The following BRI3BP variants were observed in gnomAD, a reference collection of about 807,000 sequenced individuals.
BRI3BP encodes BRI3-binding protein.
A neutral mutation model predicts 15.8 loss-of-function variants in BRI3BP; 7 were observed. The observed-to-expected ratio is 0.44, with a 90% CI of 0.25 to 0.83. BRI3BP has a LOEUF of 0.83. BRI3BP is among the 40% of genes least tolerant of loss of function. The pLI is 0.20. For synonymous variants in BRI3BP, 192 were observed against 163.5 expected (o/e 1.17, Z -1.33); for missense variants, 320 against 339.3 (o/e 0.94, Z 0.45).
At chr12:125,007,762 A>G (rs748955228) in intron 1 of BRI3BP, among the ~76,000 whole-genome samples, 1 of 150,568 alleles carries the variant, frequency 6.6e-6, no homozygotes, top group South Asian at 2.1e-4. Context: ...CTATTTATTT[A>G]CTCATTATTA....
intron 2 of BRI3BP, among the ~76,000 whole-genome samples, chr12:125,021,958 T>C (rs1490023058): frequency 1.3e-5 from 2 of 151,758 alleles, no homozygotes; most frequent in Non-Finnish European, 2.9e-5. Flanking sequence ...TGCATGCCTA[T>C]AGTCCTAGCT....
At chr12:125,032,572 A>G (rs1044345845), downstream of BRI3BP, among the ~76,000 whole-genome samples, 26 of 152,242 alleles carry the variant, frequency 1.7e-4, no homozygotes, top group Non-Finnish European at 3.5e-4. Flanking sequence ...GTTCAAGACC[A>G]GCCTGGGCAA....
At chr12:125,034,797 C>G (rs1955431511), downstream of BRI3BP, among the ~76,000 whole-genome samples, 1 of 152,070 alleles carries the variant, frequency 6.6e-6, no homozygotes, top group Non-Finnish European at 1.5e-5. Context: ...ACCATATTGG[C>G]CAGACTAGTC....
intron 2 of BRI3BP, among the ~76,000 whole-genome samples, chr12:125,017,194 A>T (rs755486201): frequency 6.9e-6 from 1 of 145,642 alleles, no homozygotes; most frequent in East Asian, 2.0e-4. Flanking sequence ...TAATTTTTGT[A>T]TTTTTTTTTA....
At chr12:125,033,726 T>C (rs1026113913), downstream of BRI3BP, among the ~76,000 whole-genome samples, 1 of 149,984 alleles carries the variant, frequency 6.7e-6, no homozygotes, top group Non-Finnish European at 1.5e-5. Flanking sequence ...CCCTGTACTG[T>C]TTTGTTTTTC....
At chr12:125,047,978 T>C in the BRI3BP span, among the ~76,000 whole-genome samples, 1 of 147,098 alleles carries the variant, frequency 6.8e-6, no homozygotes, top group Non-Finnish European at 1.5e-5. Context: ...ATTACAAGCG[T>C]GAGCTACTGT....
chr12:125,004,956 C>G (rs1955129442), intron 1 of BRI3BP, among the ~76,000 whole-genome samples: 1 of 152,180 alleles, frequency 6.6e-6, no homozygotes, highest in African/African-American at 2.4e-5. Context: ...AGCAATTCTC[C>G]TGCCTCAGCC....
chr12:125,006,339 C>T lies in BRI3BP; in HGVS notation c.214-6195C>T, dbSNP rs376465634. ...GCCCCACAGGGAACAGCAAATTCTCCAGCCAAATGGTTCAACGGCAAGAGA... is the reference window on the plus strand; with the variant it reads ...GCCCCACAGGGAACAGCAAATTCTCTAGCCAAATGGTTCAACGGCAAGAGA... On this transcript the variant is annotated intron_variant, in intron 1 of 2. Coordinates refer to ENST00000341446, the MANE Select transcript of BRI3BP (RefSeq NM_080626.6). Among the ~76,000 whole-genome samples the T allele has an allele frequency of 1.6e-4, 25 of 152,320 alleles. 1 individual carries two copies. The highest frequency in any genetic ancestry group is 6.0e-4 in the African/African-American group (25 of 41,572).
At chr12:125,020,342 G>A (rs73419918) in intron 2 of BRI3BP, among the ~76,000 whole-genome samples, 3,950 of 152,206 alleles carry the variant, frequency 0.026, 169 homozygotes, top group African/African-American at 0.09. Flanking sequence ...TCTTGTAGAC[G>A]ATGCCTCACT....
intron 1 of BRI3BP, among the ~76,000 whole-genome samples, chr12:125,003,931 C>T (rs373094364): frequency 1.7e-4 from 26 of 149,740 alleles, no homozygotes; most frequent in African/African-American, 5.6e-4. Flanking sequence ...CCAGCTTGGG[C>T]GACAGAGCGA....
chr12:125,049,119 G>T, the BRI3BP span, among the ~76,000 whole-genome samples: 1 of 151,932 alleles, frequency 6.6e-6, no homozygotes, highest in Admixed American at 6.6e-5. Context: ...CCGCCACCAC[G>T]CCTGGCTAAT....
intron 1 of BRI3BP, among the ~76,000 whole-genome samples, chr12:124,998,901 A>AC (rs1314833170): frequency 6.6e-6 from 1 of 151,950 alleles, no homozygotes; most frequent in African/African-American, 2.4e-5. Context: ...ACATAGTGAG[A>AC]CCCCATCTCT....
At chr12:125,036,769 G>C in the BRI3BP span, among the ~76,000 whole-genome samples, 1 of 152,156 alleles carries the variant, frequency 6.6e-6, no homozygotes, top group Non-Finnish European at 1.5e-5. Flanking sequence ...GATTAGTCTA[G>C]ATGAGATCCT....
At chr12:125,048,908 C>T in the BRI3BP span, among the ~76,000 whole-genome samples, 1 of 151,874 alleles carries the variant, frequency 6.6e-6, no homozygotes, top group African/African-American at 2.4e-5. Flanking sequence ...GGGAAATGCC[C>T]CTGCCACCGG....
chr12:125,016,290 C>CCAA (rs1365957112), intron 2 of BRI3BP, among the ~76,000 whole-genome samples: 1 of 151,712 alleles, frequency 6.6e-6, no homozygotes, highest in Non-Finnish European at 1.5e-5. Flanking sequence ...AAGCCATACA[C>CCAA]CAACGTTGGA....
chr12:125,038,326 T>A, the BRI3BP span, among the ~76,000 whole-genome samples: 1 of 152,118 alleles, frequency 6.6e-6, no homozygotes, highest in African/African-American at 2.4e-5. Context: ...GGATGCCTTT[T>A]CTTGGTTATC....
At chr12:125,020,385 G>A (rs1955286564) in intron 2 of BRI3BP, among the ~76,000 whole-genome samples, 1 of 152,176 alleles carries the variant, frequency 6.6e-6, no homozygotes, top group Non-Finnish European at 1.5e-5. Context: ...GCGGTTCTCT[G>A]GGACCTCTTT....
At chr12:125,046,736 T>C in the BRI3BP span, among the ~76,000 whole-genome samples, 1 of 152,226 alleles carries the variant, frequency 6.6e-6, no homozygotes, top group Non-Finnish European at 1.5e-5. Context: ...ACTTTAGCAT[T>C]ATCAGTCATA....
chr12:125,010,757 C>A (rs947133262), intron 1 of BRI3BP, among the ~76,000 whole-genome samples: 1 of 151,380 alleles, frequency 6.6e-6, no homozygotes, highest in African/African-American at 2.4e-5. Context: ...AGCCTGGCGA[C>A]AAAGCGAGAC....
Sources: gnomAD v4.1 joint callset for allele counts (sites outside exome capture counted in the v4.1 genomes callset) on GRCh38, gnomAD v4.1.1 for gene constraint, MANE v1.5 for transcripts, NCBI Gene and HGNC (gene_info 2026-07-23, HGNC 2026-07-21) for gene names.